ARL13B: variants seen among roughly 807,000 people sequenced by gnomAD.
ARL13B encodes ADP-ribosylation factor-like protein 13B.
In ARL13B, 36 loss-of-function variants were observed where a neutral mutation model predicts 56.1. The observed-to-expected ratio is 0.64, with a 90% CI of 0.49 to 0.85. The LOEUF (loss-of-function observed/expected upper bound fraction) is 0.85. Among genes scored for constraint, ARL13B ranks in the 40% least tolerant of loss-of-function variants. The pLI, the probability that ARL13B is intolerant of heterozygous loss-of-function variation, is 0.00. For missense variants in ARL13B, 519 were observed against 507.1 expected, an observed-to-expected ratio of 1.02 and a Z score of -0.23; for synonymous variants, 178 against 171.1, an observed-to-expected ratio of 1.04 and a Z score of -0.32.
At chr3:93,989,035 C>T in intron 1 of ARL13B, 1 of 249,192 alleles carries the variant, frequency 4.0e-6, no homozygotes, top group Non-Finnish European at 7.9e-6. Context: ...TACTGGCACT[C>T]CTCCCGCTGC....
chr3:93,982,235 A>C (rs1710257530), intron 1 of ARL13B, among the ~76,000 whole-genome samples: 1 of 152,214 alleles, frequency 6.6e-6, no homozygotes, highest in African/African-American at 2.4e-5. Flanking sequence ...GAATGTATTG[A>C]TTTCCAAGTA....
intron 3 of ARL13B, among the ~76,000 whole-genome samples, chr3:94,031,271 A>T (rs1035357914): frequency 6.6e-6 from 1 of 152,128 alleles, no homozygotes. Context: ...CAACACGAAT[A>T]CATGGTTAGA....
chr3:94,003,653 T>C lies in ARL13B; in HGVS notation c.131-6T>C. 1.2e-6 allele frequency: 2 copies of C among 1,612,688 alleles called. No homozygotes were observed. Among genetic ancestry groups the C allele is most frequent in the Non-Finnish European group, 1.7e-6 (2 of 1,179,324 alleles). ...ATTTTCTTTTTTTGTGTATCATTTG[T>C]AACAGAATACCCTGAAGATGTAGCT... On this transcript the variant is annotated splice_polypyrimidine_tract_variant and splice_region_variant and intron_variant, in intron 2 of 9. Coordinates refer to ENST00000394222, the MANE Select transcript of ARL13B (RefSeq NM_001174150.2).
chr3:94,047,164 G>T lies in ARL13B; in HGVS notation c.1025-2242G>T, dbSNP rs890690535. The stretch of plus-strand genomic sequence containing the variant: ...TTGCTTCCTTGACATTTTTAGTTAT[G>T]AATATGGCTTTGTTATTTATAAGAA... On this transcript the variant is annotated intron_variant, in intron 7 of 9. Coordinates refer to ENST00000394222, the MANE Select transcript of ARL13B (RefSeq NM_001174150.2). 3.9e-5 allele frequency among the ~76,000 whole-genome samples: 6 copies of T among 152,248 alleles called. No individual in the cohort carries two copies. In the South Asian group the frequency reaches 1.2e-3, roughly 32 times the overall value.
Position 94,003,652 on chromosome 3 carries a change from G to T in ARL13B, c.131-7G>T. On this transcript the variant is annotated splice_polypyrimidine_tract_variant and splice_region_variant and intron_variant, in intron 2 of 9. Transcript: ENST00000394222. ...GATTTTCTTTTTTTGTGTATCATTT[G>T]TAACAGAATACCCTGAAGATGTAGC... 6.2e-7 allele frequency: 1 copy of T among 1,612,366 alleles called. No individual in the cohort carries two copies. Among genetic ancestry groups the T allele is most frequent in the Non-Finnish European group, 8.5e-7 (1 of 1,179,194 alleles).
chr3:94,015,588 T>C (rs1206327834), intron 3 of ARL13B, among the ~76,000 whole-genome samples: 1 of 152,154 alleles, frequency 6.6e-6, no homozygotes, highest in Non-Finnish European at 1.5e-5. Context: ...TTTTTTGTAA[T>C]AAAGAATGCT....
chr3:94,002,529 A>G (rs2076071445), intron 2 of ARL13B, among the ~76,000 whole-genome samples: 1 of 152,216 alleles, frequency 6.6e-6, no homozygotes, highest in African/African-American at 2.4e-5. Flanking sequence ...TAATATTTAT[A>G]GTGGATTCCA....
chr3:94,026,919 G>A (rs1435776507), intron 3 of ARL13B, among the ~76,000 whole-genome samples: 1 of 152,032 alleles, frequency 6.6e-6, no homozygotes, highest in Non-Finnish European at 1.5e-5. Context: ...ACTTGTTCTG[G>A]GAAATAGAAA....
At chr3:94,033,136 G>A (rs943603255) in intron 3 of ARL13B, among the ~76,000 whole-genome samples, 2 of 152,158 alleles carry the variant, frequency 1.3e-5, no homozygotes, top group African/African-American at 2.4e-5. Flanking sequence ...CAAATCTAGC[G>A]TGTTCTCACA....
intron 2 of ARL13B, 42 bp from the exon 3 acceptor site, chr3:94,003,617 A>C: frequency 6.2e-7 from 1 of 1,603,450 alleles, no homozygotes; most frequent in Non-Finnish European, 8.5e-7. Flanking sequence ...GTTGTCAATT[A>C]AAGTCTAAAG....
chr3:94,038,425 A>G (rs2076805762), intron 5 of ARL13B, among the ~76,000 whole-genome samples: 2 of 149,966 alleles, frequency 1.3e-5, no homozygotes, highest in African/African-American at 4.9e-5. Context: ...GGTAATGAAC[A>G]TTTACATTGC....
chr3:93,985,204 A>G (rs1183823063), intron 1 of ARL13B, among the ~76,000 whole-genome samples: 1 of 152,186 alleles, frequency 6.6e-6, no homozygotes, highest in African/African-American at 2.4e-5. Flanking sequence ...TTTAGCTTAT[A>G]GGGAGCAGCC....
intron 3 of ARL13B, among the ~76,000 whole-genome samples, chr3:94,024,896 A>G (rs1388662527): frequency 6.6e-6 from 1 of 152,080 alleles, no homozygotes; most frequent in Non-Finnish European, 1.5e-5. Context: ...CCTCTTTTTT[A>G]AAAAAATTAG....
At chr3:94,003,606 C>A in intron 2 of ARL13B, 53 bp from the exon 3 acceptor site, 1 of 1,585,610 alleles carries the variant, frequency 6.3e-7, no homozygotes. Context: ...GAAAAATTAA[C>A]GTTGTCAATT....
At chr3:93,994,185 C>T (rs1462808574) in intron 1 of ARL13B, among the ~76,000 whole-genome samples, 2 of 152,180 alleles carry the variant, frequency 1.3e-5, no homozygotes, top group African/African-American at 2.4e-5. Flanking sequence ...TCTTCCTATT[C>T]TGCTCCTTTC....
chr3:94,037,563 C>A (rs1390720029), intron 5 of ARL13B, among the ~76,000 whole-genome samples: 1 of 152,070 alleles, frequency 6.6e-6, no homozygotes, highest in Non-Finnish European at 1.5e-5. Context: ...ATATAAAAGA[C>A]AGATTAGAGT....
chr3:93,984,902 TGGG>T (rs917614342), intron 1 of ARL13B, among the ~76,000 whole-genome samples: 3 of 151,920 alleles, frequency 2.0e-5, no homozygotes, highest in Non-Finnish European at 4.4e-5. Context: ...CCGAGCTACT[TGGG>T]GGGCTGAGGC....
intron 1 of ARL13B, among the ~76,000 whole-genome samples, chr3:93,991,981 AAAATAG>A (rs1330551456): frequency 6.6e-6 from 1 of 152,206 alleles, no homozygotes; most frequent in South Asian, 2.1e-4. Flanking sequence ...AGTAAAAGTG[AAAATAG>A]AAATAGAATT....
At chr3:94,052,918 A>C (rs546691638) in intron 9 of ARL13B, among the ~76,000 whole-genome samples, 1 of 152,164 alleles carries the variant, frequency 6.6e-6, no homozygotes. Flanking sequence ...AACCATTATA[A>C]TAAGTAATAT....
Sources: gnomAD v4.1 joint callset for allele counts (sites outside exome capture counted in the v4.1 genomes callset) on GRCh38, gnomAD v4.1.1 for gene constraint, MANE v1.5 for transcripts, NCBI Gene and HGNC (gene_info 2026-07-23, HGNC 2026-07-21) for gene names.